MEIS2: variants seen among roughly 807,000 people sequenced by gnomAD.
MEIS2 encodes Meis homeobox 2, also known as homeobox protein Meis2.
MEIS2 carries 9 observed loss-of-function variants against 58.6 expected under a neutral mutation model. The ratio of observed to expected loss-of-function variants is 0.15; its 90% CI spans 0.09 to 0.27. The LOEUF is 0.27. Ranked by LOEUF, MEIS2 falls within the 10% of genes least tolerant of loss-of-function variation. The pLI is 1.00. For synonymous variants in MEIS2, 221 were observed against 228.4 expected (o/e 0.97, Z 0.29); for missense variants, 427 against 635.0 (o/e 0.67, Z 3.52).
chr15:36,930,442 T>G (rs540584807), intron 9 of MEIS2, among the ~76,000 whole-genome samples: 1 of 152,158 alleles, frequency 6.6e-6, no homozygotes, highest in African/African-American at 2.4e-5. Flanking sequence ...AGGCTCTTCC[T>G]TTATGCACTT....
intron 4 of MEIS2, 54 bp from the exon 5 acceptor site, chr15:37,094,631 T>G: frequency 6.4e-7 from 1 of 1,550,914 alleles, no homozygotes; most frequent in Non-Finnish European, 8.8e-7. Context: ...TGAGGTCCTG[T>G]CTTGGGGTTG....
intron 8 of MEIS2, among the ~76,000 whole-genome samples, chr15:36,989,463 T>C (rs1477055974): frequency 6.6e-6 from 1 of 152,192 alleles, no homozygotes; most frequent in Non-Finnish European, 1.5e-5. Flanking sequence ...TCAGGACTTC[T>C]TCTTTCAGCT....
intron 6 of MEIS2, among the ~76,000 whole-genome samples, chr15:37,085,491 C>G (rs181189263): frequency 6.6e-6 from 1 of 152,272 alleles, no homozygotes; most frequent in African/African-American, 2.4e-5. Context: ...TTTCCCCCTA[C>G]AGATCTGCAG....
At chr15:36,919,502 C>T (rs911494386) in intron 9 of MEIS2, among the ~76,000 whole-genome samples, 5 of 151,510 alleles carry the variant, frequency 3.3e-5, no homozygotes, top group African/African-American at 9.7e-5. Context: ...CTGTTGAACC[C>T]GGGAGGCAGA....
intron 1 of MEIS2, 22 bp from the exon 2 acceptor site, chr15:37,098,221 G>A: frequency 1.3e-6 from 2 of 1,569,166 alleles, no homozygotes; most frequent in East Asian, 2.3e-5. Context: ...CGGGAAGGGG[G>A]AGGGGGCGCA....
chr15:37,091,565 T>G (rs1893524291), intron 6 of MEIS2, among the ~76,000 whole-genome samples: 1 of 152,214 alleles, frequency 6.6e-6, no homozygotes, highest in African/African-American at 2.4e-5. Context: ...CAGTTGACTC[T>G]TTTATCCAAA....
chr15:37,031,856 T>TGTGC (rs2061942148), intron 8 of MEIS2, among the ~76,000 whole-genome samples: 1 of 151,678 alleles, frequency 6.6e-6, no homozygotes, highest in Admixed American at 6.6e-5. Flanking sequence ...TGTGTGTGTG[T>TGTGC]GTGTCTGGGT....
intron 8 of MEIS2, among the ~76,000 whole-genome samples, chr15:36,983,603 G>A (rs1224239238): frequency 2.6e-5 from 4 of 151,750 alleles, no homozygotes; most frequent in Non-Finnish European, 5.9e-5. Flanking sequence ...TGTTCTTCTT[G>A]CTCCATATTG....
Position 37,096,370 on chromosome 15 carries a change from A to G in MEIS2, c.306T>C (p.Thr102=), listed in dbSNP as rs1168257688. The G allele has an allele frequency of 1.9e-6, 3 of 1,613,928 alleles. No individual in the cohort carries two copies. The highest frequency in any genetic ancestry group is 1.7e-6 in the Non-Finnish European group (2 of 1,179,948). ...VFEKCELATC[T]PREPGVAGGD... The stretch of plus-strand genomic sequence containing the variant: ...CGCCAGCCACTCCAGGTTCCCGGGG[A>G]GTGCAGGTCGCCAGCTCGCACTTCT... The change falls in exon 3 of 12, where the codon ACT becomes ACC. Residue 102 remains threonine (T), a synonymous_variant. Transcript: ENST00000561208.
chr15:36,947,590 T>G (rs963493680), intron 9 of MEIS2, among the ~76,000 whole-genome samples: 3 of 151,994 alleles, frequency 2.0e-5, no homozygotes, highest in Admixed American at 1.3e-4. Flanking sequence ...AAGTCTTCCA[T>G]GATTGTCTGA....
At chr15:37,059,277 C>T (rs1437418435) in intron 7 of MEIS2, among the ~76,000 whole-genome samples, 1 of 152,138 alleles carries the variant, frequency 6.6e-6, no homozygotes, top group African/African-American at 2.4e-5. Flanking sequence ...TTGAAGCTCT[C>T]ACATGCAATC....
At chr15:37,059,883 G>A (rs1432780669) in intron 7 of MEIS2, among the ~76,000 whole-genome samples, 3 of 151,936 alleles carry the variant, frequency 2.0e-5, no homozygotes, top group African/African-American at 7.3e-5. Context: ...GGAGGTTGCA[G>A]TTTGCTGAGA....
intron 11 of MEIS2, among the ~76,000 whole-genome samples, chr15:36,894,145 C>T (rs1001984202): frequency 6.6e-6 from 1 of 152,026 alleles, no homozygotes; most frequent in African/African-American, 2.4e-5. Context: ...TGTCTCATGT[C>T]GGAAGTCAGT....
intron 2 of MEIS2, 42 bp from the exon 3 acceptor site, chr15:37,096,472 G>A (rs1413259963): frequency 6.3e-7 from 1 of 1,595,424 alleles, no homozygotes; most frequent in African/African-American, 1.3e-5. Flanking sequence ...ACAGAGACGG[G>A]GTGCAGAGGG....
At chr15:36,928,751 G>C (rs936664821) in intron 9 of MEIS2, among the ~76,000 whole-genome samples, 2 of 152,114 alleles carry the variant, frequency 1.3e-5, no homozygotes, top group African/African-American at 4.8e-5. Flanking sequence ...TTAAAGAATG[G>C]TATGATTAGA....
chr15:37,097,153 T>A (rs574186610), intron 2 of MEIS2: 1 of 152,218 alleles, frequency 6.6e-6, no homozygotes, highest in Non-Finnish European at 1.5e-5. Flanking sequence ...GTATGCCCTT[T>A]GTGTTCCTCC....
chr15:37,025,622 C>T (rs1311413045), intron 8 of MEIS2, among the ~76,000 whole-genome samples: 2 of 151,696 alleles, frequency 1.3e-5, no homozygotes, highest in African/African-American at 4.8e-5. Flanking sequence ...TTAAGCATAC[C>T]TCTTTTTATG....
At chr15:36,916,984 C>G (rs2057306869) in intron 9 of MEIS2, among the ~76,000 whole-genome samples, 1 of 152,118 alleles carries the variant, frequency 6.6e-6, no homozygotes, top group Non-Finnish European at 1.5e-5. Flanking sequence ...AAGTGGCAGT[C>G]AGATACACTC....
At chr15:37,094,448 A>T in intron 5 of MEIS2, 79 bp downstream of exon 5, 2 of 1,387,266 alleles carry the variant, frequency 1.4e-6, no homozygotes, top group South Asian at 2.5e-5. Context: ...CTCACACTAG[A>T]GGTTTGTTAA....
Sources: allele counts gnomAD v4.1 joint callset (sites outside exome capture counted in the v4.1 genomes callset), GRCh38; gene constraint gnomAD v4.1.1; transcripts MANE v1.5; gene names NCBI Gene and HGNC (gene_info 2026-07-23, HGNC 2026-07-21).